TIMM8A: variants seen among roughly 807,000 people sequenced by gnomAD.
TIMM8A encodes translocase of inner mitochondrial membrane 8A.
TIMM8A carries 2 observed loss-of-function variants against 6.8 expected under a neutral mutation model. The observed-to-expected ratio is 0.30, with a 90% CI of 0.12 to 0.93. The LOEUF is 0.93. TIMM8A is among the 40% of genes least tolerant of loss of function. The probability of loss-of-function intolerance (pLI) is 0.55; values close to 1 mark genes in which losing one functional copy is unlikely to be tolerated. For missense variants in TIMM8A, 34 were observed against 75.2 expected, an observed-to-expected ratio of 0.45 and a Z score of 2.02; for synonymous variants, 26 against 28.5, an observed-to-expected ratio of 0.91 and a Z score of 0.28.
rs3027652 is a variant in TIMM8A at position 101,346,514 on chromosome X, T to C, written c.279A>G (p.Glu93=). The C allele has an allele frequency of 7.4e-6, 9 of 1,211,202 alleles. No individual in the cohort carries two copies. In the East Asian group the frequency reaches 2.7e-4, roughly 36 times the overall value. The stretch of plus-strand genomic sequence containing the variant: ...AATGCTGAGATCAGTCAGAAAGGCT[T>C]TCTGAGAAAACTGGCTTGGATTTCT... ...QTQKSKPVFS[E]SLSD is the part of the protein sequence containing the mutation. Residue 93 remains glutamate (E), a synonymous_variant, in exon 2 of 2, where the codon GAA becomes GAG. Coordinates refer to ENST00000372902, the MANE Select transcript of TIMM8A (RefSeq NM_004085.4).
chrX:101,346,746 GA>G (rs1289728726), intron 1 of TIMM8A, 86 bp from the exon 2 acceptor site: 76 of 993,559 alleles, frequency 7.6e-5, no homozygotes, highest in Middle Eastern at 2.9e-4. Context: ...GTTGCTTAGA[GA>G]AAAAAAAACT....
chrX:101,346,067 G>A lies in TIMM8A; in HGVS notation c.*432C>T, dbSNP rs1201685177. 2 of 822,089 alleles carry A rather than the reference G, an allele frequency of 2.4e-6. No individual in the cohort carries two copies. The highest frequency in any genetic ancestry group is 4.4e-5 in the African/African-American group (2 of 45,013). 67.7% of individuals were successfully genotyped at this position (822,089 alleles called of 1,213,427 possible). ...CTCCAGCATTGACAATCAAACACTA[G>A]ATAAGGATACCAAATTATTCTTCCC... On this transcript the variant is annotated 3_prime_UTR_variant, in exon 2 of 2. Transcript: ENST00000372902.
chrX:101,345,782 C>T lies in TIMM8A; in HGVS notation c.*717G>A. 1.1e-5 allele frequency: 8 copies of T among 752,119 alleles called. No individual in the cohort carries two copies. The highest frequency in any genetic ancestry group is 1.3e-5 in the Non-Finnish European group (8 of 639,061). The allele number at this position is 752,119 out of a possible 1,213,427, so 62.0% of individuals were successfully genotyped here. ...CTGTTAGCTTCTGATTGGCCTAAAT[C>T]TTTATAACTTATTTAGGCACATCAC... On this transcript the variant is annotated 3_prime_UTR_variant, in exon 2 of 2. Coordinates refer to ENST00000372902, the MANE Select transcript of TIMM8A (RefSeq NM_004085.4).
At position 101,346,175 on chromosome X, in the gene TIMM8A, G is replaced by A. The variant is rs1332577374; in HGVS notation, c.*324C>T. 5 of 875,847 alleles carry A rather than the reference G, an allele frequency of 5.7e-6. No individual in the cohort carries two copies. The highest frequency in any genetic ancestry group is 7.0e-6 in the Non-Finnish European group (5 of 716,701). The allele number at this position is 875,847 out of a possible 1,213,427, so 72.2% of individuals were successfully genotyped here. On this transcript the variant is annotated 3_prime_UTR_variant, in exon 2 of 2. Coordinates refer to ENST00000372902, the MANE Select transcript of TIMM8A (RefSeq NM_004085.4). The stretch of plus-strand genomic sequence containing the variant: ...ACACAAATGAGAGATTTTTACGTAT[G>A]TGGTCCCACTATCAAAATTATAGGA...
Position 101,345,951 on chromosome X carries a change from C to T in TIMM8A, c.*548G>A. The T allele has an allele frequency of 1.3e-6, 1 of 750,483 alleles. No homozygotes were observed. Among genetic ancestry groups the T allele is most frequent in the East Asian group, 1.5e-4 (1 of 6,520 alleles). The allele number at this position is 750,483 out of a possible 1,213,427, so 61.8% of individuals were successfully genotyped here. ...GCTGCCTACCCTACCTTGAGACTTA[C>T]TTAATATGGATATTTAAGCAAATCA... On this transcript the variant is annotated 3_prime_UTR_variant, in exon 2 of 2. Coordinates refer to ENST00000372902, the MANE Select transcript of TIMM8A (RefSeq NM_004085.4).
intron 1 of TIMM8A, chrX:101,347,326 G>GTGGCA (rs1926096171): frequency 9.3e-6 from 1 of 107,939 alleles, no homozygotes; most frequent in Non-Finnish European, 1.9e-5. Flanking sequence ...CTGGAGTGCA[G>GTGGCA]TGGCATGATC....
rs782438393 is a variant in TIMM8A at position 101,346,812 on chromosome X, C to G, written c.133-152G>C. 128 of 500,945 alleles carry G rather than the reference C, an allele frequency of 2.6e-4. No individual in the cohort carries two copies. In the Middle Eastern group the frequency reaches 2.8e-3, roughly 11 times the overall value. The allele number at this position is 500,945 out of a possible 1,213,427, so 41.3% of individuals were successfully genotyped here. On this transcript the variant is annotated intron_variant, in intron 1 of 1. Transcript: ENST00000372902. ...TGATAGTTCACATTTGGCAGCTGACCAAGTATATAGCAATGTTCTCTAGCC... is the reference window on the plus strand; with the variant it reads ...TGATAGTTCACATTTGGCAGCTGACGAAGTATATAGCAATGTTCTCTAGCC...
intron 1 of TIMM8A, chrX:101,347,710 T>G (rs782682328): frequency 8.9e-6 from 1 of 111,794 alleles, no homozygotes; most frequent in Admixed American, 9.5e-5. Flanking sequence ...AGCAATACTG[T>G]AAGTTTATGG....
intron 1 of TIMM8A, 176 bp from the exon 2 acceptor site, chrX:101,346,836 C>G: frequency 2.3e-6 from 1 of 440,836 alleles, no homozygotes; most frequent in Non-Finnish European, 3.9e-6. Flanking sequence ...TGTTCTCTAG[C>G]CTTACATTAA....
At position 101,345,747 on chromosome X, in the gene TIMM8A, C is replaced by G. The variant is rs1368383619; in HGVS notation, c.*752G>C. The G allele has an allele frequency of 1.3e-6, 1 of 751,655 alleles. No individual in the cohort carries two copies. The highest frequency in any genetic ancestry group is 1.6e-6 in the Non-Finnish European group (1 of 638,153). The allele number at this position is 751,655 out of a possible 1,213,427, so 61.9% of individuals were successfully genotyped here. A position where few individuals can be genotyped will look rare whatever the true frequency, so the allele number is the denominator to read the frequency against. On this transcript the variant is annotated 3_prime_UTR_variant, in exon 2 of 2. Coordinates refer to ENST00000372902, the MANE Select transcript of TIMM8A (RefSeq NM_004085.4). ...AACTAACATTAGGCATGCACCTCTACCTGAAACTGCTGTTAGCTTCTGATT... is the reference window on the plus strand; with the variant it reads ...AACTAACATTAGGCATGCACCTCTAGCTGAAACTGCTGTTAGCTTCTGATT...
chrX:101,346,792 G>C (rs1165237969), intron 1 of TIMM8A, 132 bp from the exon 2 acceptor site: 4 of 619,786 alleles, frequency 6.5e-6, no homozygotes, highest in South Asian at 5.7e-5. Flanking sequence ...GTTACTGATA[G>C]TTCACATTTG....
chrX:101,347,163 T>G (rs781916350), intron 1 of TIMM8A: 1 of 113,490 alleles, frequency 8.8e-6, no homozygotes, highest in Non-Finnish European at 1.8e-5. Context: ...TTCTATAACC[T>G]TGTCTACTTA....
Position 101,348,691 on chromosome X carries a change from G to T in TIMM8A, c.-27C>A, listed in dbSNP as rs781821345. 5 of 1,207,547 alleles carry T rather than the reference G, an allele frequency of 4.1e-6. No individual in the cohort carries two copies. In the Admixed American group the frequency reaches 8.7e-5, roughly 21 times the overall value. On this transcript the variant is annotated 5_prime_UTR_variant, in exon 1 of 2. Coordinates refer to ENST00000372902, the MANE Select transcript of TIMM8A (RefSeq NM_004085.4). ...CCAGGGCGACCAAGCTTGCAGAGACGAACTCCGCACCGACCTTCACGTGTC... is the reference window on the plus strand; with the variant it reads ...CCAGGGCGACCAAGCTTGCAGAGACTAACTCCGCACCGACCTTCACGTGTC...
Position 101,346,207 on chromosome X carries a change from T to C in TIMM8A, c.*292A>G. 8 of 926,105 alleles carry C rather than the reference T, an allele frequency of 8.6e-6. No individual in the cohort carries two copies. The highest frequency in any genetic ancestry group is 5.0e-4 in the Middle Eastern group (1 of 1,992). The allele number at this position is 926,105 out of a possible 1,213,427, so 76.3% of individuals were successfully genotyped here. On this transcript the variant is annotated 3_prime_UTR_variant, in exon 2 of 2. Coordinates refer to ENST00000372902, the MANE Select transcript of TIMM8A (RefSeq NM_004085.4). ...CACTATCAAAATTATAGGAAGCAGT[T>C]AATGGGGCTTTGAGAAAAGCATAGT...
Position 101,346,178 on chromosome X carries a change from G to A in TIMM8A, c.*321C>T, listed in dbSNP as rs1555976068. 1.1e-6 allele frequency: 1 copy of A among 879,505 alleles called. No homozygotes were observed. The highest frequency in any genetic ancestry group is 2.1e-5 in the African/African-American group (1 of 47,843). 72.5% of individuals were successfully genotyped at this position (879,505 alleles called of 1,213,427 possible). On this transcript the variant is annotated 3_prime_UTR_variant, in exon 2 of 2. Transcript: ENST00000372902. ...CAAATGAGAGATTTTTACGTATGTGGTCCCACTATCAAAATTATAGGAAGC... is the reference window on the plus strand; with the variant it reads ...CAAATGAGAGATTTTTACGTATGTGATCCCACTATCAAAATTATAGGAAGC...
Position 101,348,082 on chromosome X carries a change from G to A in TIMM8A, c.132+451C>T. The A allele has an allele frequency of 2.0e-6, 2 of 1,011,061 alleles. No homozygotes were observed. The highest frequency in any genetic ancestry group is 2.5e-6 in the Non-Finnish European group (2 of 797,232). 83.3% of individuals were successfully genotyped at this position (1,011,061 alleles called of 1,213,427 possible). On this transcript the variant is annotated intron_variant, in intron 1 of 1. Coordinates refer to ENST00000372902, the MANE Select transcript of TIMM8A (RefSeq NM_004085.4). ...CCACTTTTATAGTTACTGGGCTGGA[G>A]CCACTCATTTTTCAGCGGAGAGGGT...
chrX:101,348,246 G>A, intron 1 of TIMM8A: 1 of 1,146,896 alleles, frequency 8.7e-7, no homozygotes, highest in African/African-American at 1.8e-5. Context: ...ACCAGCACTA[G>A]GCAGCTTCAA....
chrX:101,346,749 A>G, intron 1 of TIMM8A, 89 bp from the exon 2 acceptor site: 1 of 988,604 alleles, frequency 1.0e-6, no homozygotes, highest in African/African-American at 1.9e-5. Flanking sequence ...GCTTAGAGAA[A>G]AAAAAACTTT....
rs782704764 is a variant in TIMM8A, at chrX:101,346,103, C to A, written c.*396G>T. The A allele has an allele frequency of 4.8e-6, 4 of 835,701 alleles. No individual in the cohort carries two copies. Among genetic ancestry groups the A allele is most frequent in the African/African-American group, 2.2e-5 (1 of 45,779 alleles). 68.9% of individuals were successfully genotyped at this position (835,701 alleles called of 1,213,427 possible). ...CAAATTATTCTTCCCCTACTTCTGC[C>A]CTTTCTGATAAACACAAGGATCTCC... On this transcript the variant is annotated 3_prime_UTR_variant, in exon 2 of 2. Coordinates refer to ENST00000372902, the MANE Select transcript of TIMM8A (RefSeq NM_004085.4).
Sources: allele counts gnomAD v4.1 joint callset, GRCh38; gene constraint gnomAD v4.1.1; transcripts MANE v1.5; gene names NCBI Gene and HGNC (gene_info 2026-07-23, HGNC 2026-07-21).